NR4A1: variants seen among roughly 807,000 people sequenced by gnomAD.
The protein encoded by NR4A1 is nuclear receptor subfamily 4immunitygroup A member 1.
In NR4A1, 24 loss-of-function variants were observed where a neutral mutation model predicts 47.5. The observed-to-expected ratio is 0.50, with a 90% CI of 0.37 to 0.71. NR4A1 has a LOEUF of 0.71. NR4A1 is among the 30% of genes least tolerant of loss of function. NR4A1 has a pLI of 0.00. For synonymous variants in NR4A1, 353 were observed against 345.7 expected (o/e 1.02, Z -0.24); for missense variants, 669 against 788.6 (o/e 0.85, Z 1.82).
rs1938934635 is a variant in NR4A1, at chr12:52,051,448, A to G, written c.-123A>G. On this transcript the variant is annotated 5_prime_UTR_variant, in exon 1 of 7. Coordinates refer to ENST00000394825, the MANE Select transcript of NR4A1 (RefSeq NM_173157.3). ...GGGTCGGGCTCGGCCGGGGAGTCCCAGTGGCGGAGGCTACGAAACTTGGGG... is the reference window on the plus strand; with the variant it reads ...GGGTCGGGCTCGGCCGGGGAGTCCCGGTGGCGGAGGCTACGAAACTTGGGG... The G allele has an allele frequency of 1.0e-6, 1 of 985,526 alleles. No individual in the cohort carries two copies. Among genetic ancestry groups the G allele is most frequent in the Non-Finnish European group, 1.2e-6 (1 of 829,992 alleles). The allele number at this position is 985,526 out of a possible 1,614,324, so 61.0% of individuals were successfully genotyped here.
At position 52,054,574 on chromosome 12, in the gene NR4A1, C is replaced by CTCCTCGGCCTCCTCCACATCCTCG; in HGVS notation, c.252_275dup (p.Ser86_Ala93dup). 2.5e-6 allele frequency: 4 copies of CTCCTCGGCCTCCTCCACATCCTCG among 1,614,164 alleles called. No homozygotes were observed. The highest frequency in any genetic ancestry group is 3.4e-6 in the Non-Finnish European group (4 of 1,180,004). On this transcript the variant is annotated inframe_insertion, in exon 2 of 7. Transcript: ENST00000394825. ...CAGTCCAGCCATGCTCCTCAGCCTC[C>CTCCTCGGCCTCCTCCACATCCTCG]TCCTCGGCCTCCTCCACATCCTCGT...
At chr12:52,051,314 C>A, upstream of NR4A1, 1 of 789,956 alleles carries the variant, frequency 1.3e-6, no homozygotes, top group Non-Finnish European at 1.5e-6. Context: ...GGCCGCCTCC[C>A]GCCGGAACCG....
intron 4 of NR4A1, 39 bp from the exon 5 acceptor site, chr12:52,056,995 ATACGTGGCAGTGGGTGTAGGAGC>A: frequency 6.9e-7 from 1 of 1,443,724 alleles, no homozygotes; most frequent in Non-Finnish European, 9.4e-7. Flanking sequence ...TGACACAGCC[ATACGTGGCAGTGGGTGTAGGAGC>A]CTGCCTGGGG....
intron 1 of NR4A1, among the ~76,000 whole-genome samples, chr12:52,029,309 C>T (rs1054818167): frequency 2.0e-5 from 3 of 152,250 alleles, no homozygotes; most frequent in Non-Finnish European, 2.9e-5. Flanking sequence ...CCAGACCCTG[C>T]CCATGACTTT....
intron 1 of NR4A1, among the ~76,000 whole-genome samples, chr12:52,031,729 T>G (rs956147381): frequency 3.3e-5 from 5 of 151,962 alleles, no homozygotes; most frequent in African/African-American, 1.2e-4. Flanking sequence ...CTGTTAAATA[T>G]CTCACTGACA....
At position 52,051,520 on chromosome 12, in the gene NR4A1, G is replaced by C; in HGVS notation, c.-51G>C. ...GAGCGCACGCGGGACCAGGGACCAG[G>C]CTGAGACTCGGGGCGCCAGTCCGGG... is the stretch of plus-strand genomic sequence containing the variant. On this transcript the variant is annotated 5_prime_UTR_variant, in exon 1 of 7. Transcript: ENST00000394825. 2.0e-6 allele frequency: 2 copies of C among 985,946 alleles called. No individual in the cohort carries two copies. The highest frequency in any genetic ancestry group is 2.4e-6 in the Non-Finnish European group (2 of 830,302). 61.1% of individuals were successfully genotyped at this position (985,946 alleles called of 1,614,324 possible). A position where few individuals can be genotyped will look rare whatever the true frequency, so the allele number is the denominator to read the frequency against.
At position 52,051,481 on chromosome 12, in the gene NR4A1, CAGA is replaced by C. The variant is rs964814485; in HGVS notation, c.-85_-83del. The C allele has an allele frequency of 2.0e-6, 2 of 985,450 alleles. No homozygotes were observed. The highest frequency in any genetic ancestry group is 4.7e-5 in the South Asian group (1 of 21,290). 61.0% of individuals were successfully genotyped at this position (985,450 alleles called of 1,614,324 possible). On this transcript the variant is annotated 5_prime_UTR_variant, in exon 1 of 7. Coordinates refer to ENST00000394825, the MANE Select transcript of NR4A1 (RefSeq NM_173157.3). ...AGGCTACGAAACTTGGGGGAGTGCACAGAAGAACTTCGGGAGCGCACGCGGGAC... is the reference window on the plus strand; with the variant it reads ...AGGCTACGAAACTTGGGGGAGTGCACAGAACTTCGGGAGCGCACGCGGGAC...
At chr12:52,030,493 A>G (rs1938099345) in intron 1 of NR4A1, among the ~76,000 whole-genome samples, 1 of 151,816 alleles carries the variant, frequency 6.6e-6, no homozygotes, top group Non-Finnish European at 1.5e-5. Flanking sequence ...TAGTGGTGCA[A>G]TCTTCGCTAA....
upstream of NR4A1, chr12:52,051,407 G>A (rs1156670111): frequency 2.0e-6 from 2 of 985,428 alleles, no homozygotes; most frequent in African/African-American, 1.7e-5. Flanking sequence ...CGTGCGTCAC[G>A]GAGCGCTTAA....
chr12:52,045,318 T>C (rs554789684), intron 2 of NR4A1, among the ~76,000 whole-genome samples: 2 of 152,360 alleles, frequency 1.3e-5, no homozygotes, highest in African/African-American at 4.8e-5. Context: ...CTGCTGTGGT[T>C]GTCCCGTTGC....
At position 52,055,008 on chromosome 12, in the gene NR4A1, C is replaced by T. The variant is rs1939182100; in HGVS notation, c.680C>T (p.Pro227Leu). The T allele has an allele frequency of 6.2e-7, 1 of 1,614,140 alleles. No homozygotes were observed. Among genetic ancestry groups the T allele is most frequent in the Non-Finnish European group, 8.5e-7 (1 of 1,180,052 alleles). ...QLGEGESYSM[P>L]TAFPGLAPTS... ...GGGGAGGGAGAGAGCTATTCCATGC[C>T]TACGGCCTTCCCAGGTTTGGCACCC... Residue 227 changes from proline (P) to leucine (L), a missense_variant, in exon 2 of 7, where the codon CCT becomes CTT. Pro to Leu is a moderately conservative substitution (Grantham distance 98). Coordinates refer to ENST00000394825, the MANE Select transcript of NR4A1 (RefSeq NM_173157.3).
chr12:52,052,172 G>A (rs1938993858), intron 1 of NR4A1, among the ~76,000 whole-genome samples: 2 of 151,828 alleles, frequency 1.3e-5, no homozygotes, highest in South Asian at 4.2e-4. Flanking sequence ...ACCTGTGGAG[G>A]GCTGCTTGCT....
intron 1 of NR4A1, among the ~76,000 whole-genome samples, chr12:52,052,127 C>G (rs1011282524): frequency 2.0e-5 from 3 of 152,040 alleles, no homozygotes; most frequent in Non-Finnish European, 4.4e-5. Context: ...AGGAAGCCTC[C>G]GGATCATTGA....
At chr12:52,030,054 A>G (rs927513163) in intron 1 of NR4A1, among the ~76,000 whole-genome samples, 4 of 152,244 alleles carry the variant, frequency 2.6e-5, no homozygotes, top group African/African-American at 9.6e-5. Flanking sequence ...CCTAAGTTCC[A>G]GCTTGGGCAA....
intron 1 of NR4A1, among the ~76,000 whole-genome samples, chr12:52,028,548 T>C (rs2120914583): frequency 6.6e-6 from 1 of 151,798 alleles, no homozygotes; most frequent in Middle Eastern, 3.4e-3. Flanking sequence ...CACTCCAGCC[T>C]CGTGACAGAG....
chr12:52,044,480 C>G lies in NR4A1; in HGVS notation c.37+2551C>G, dbSNP rs182036115. ...CACGCTCCGGGACCTGGGCCAGGGA[C>G]TCTGGCCCGGCATGGAACAGGCAGC... On this transcript the variant is annotated intron_variant, in intron 2 of 7. Coordinates refer to the NR4A1 transcript ENST00000360284. 4.6e-5 allele frequency among the ~76,000 whole-genome samples: 7 copies of G among 152,324 alleles called. No homozygotes were observed. The East Asian group carries it at 9.7e-4, about 21-fold the overall frequency.
chr12:52,031,866 G>C (rs1335423147), intron 1 of NR4A1, among the ~76,000 whole-genome samples: 1 of 145,552 alleles, frequency 6.9e-6, no homozygotes, highest in African/African-American at 2.6e-5. Flanking sequence ...TGCAACCTTC[G>C]GCTCACTGCA....
chr12:52,052,598 C>T (rs1592301873), intron 1 of NR4A1: 1 of 985,672 alleles, frequency 1.0e-6, no homozygotes, highest in Non-Finnish European at 1.2e-6. Flanking sequence ...TTCAACCCCG[C>T]CTCTTCCTCC....
Position 52,055,051 on chromosome 12 carries a change from G to A in NR4A1, c.723G>A (p.Glu241=). 1.9e-6 allele frequency: 3 copies of A among 1,614,244 alleles called. No homozygotes were observed. Among genetic ancestry groups the A allele is most frequent in the Non-Finnish European group, 2.5e-6 (3 of 1,180,038 alleles). The change falls in exon 2 of 7, where the codon GAG becomes GAA. Residue 241 remains glutamate (E), a synonymous_variant. Coordinates refer to ENST00000394825, the MANE Select transcript of NR4A1 (RefSeq NM_173157.3). ...TGGCACCCACTTCTCCACACCTTGAGGGCTCGGGGATACTGGATACACCCG... is the reference window on the plus strand; with the variant it reads ...TGGCACCCACTTCTCCACACCTTGAAGGCTCGGGGATACTGGATACACCCG... ...PGLAPTSPHL[E]GSGILDTPVT...
Sources: allele counts gnomAD v4.1 joint callset (sites outside exome capture counted in the v4.1 genomes callset), GRCh38; gene constraint gnomAD v4.1.1; transcripts MANE v1.5; gene names NCBI Gene and HGNC (gene_info 2026-07-23, HGNC 2026-07-21).